The following CCDC178 variants were observed in gnomAD, a reference collection of about 807,000 sequenced individuals.
CCDC178 encodes the protein coiled-coil domain containing 178.
Under a neutral mutation model 117.4 loss-of-function variants are expected in CCDC178, and 126 were observed. The ratio of observed to expected loss-of-function variants is 1.07; its 90% CI spans 0.93 to 1.24. The LOEUF (loss-of-function observed/expected upper bound fraction) is 1.24, where lower values mean the gene tolerates loss of function less well. Among genes scored for constraint, CCDC178 ranks in the 50% most tolerant of loss-of-function variants. The pLI is 0.00. For synonymous variants in CCDC178, 283 were observed against 313.4 expected, an observed-to-expected ratio of 0.90 and a Z score of 1.02; for missense variants, 1,030 against 986.9, an observed-to-expected ratio of 1.04 and a Z score of -0.59.
intron 21 of CCDC178, among the ~76,000 whole-genome samples, chr18:33,085,957 TTA>T (rs2057372188): frequency 6.6e-6 from 1 of 152,104 alleles, no homozygotes; most frequent in Non-Finnish European, 1.5e-5. Flanking sequence ...TTCCAAATGT[TTA>T]TGTCATTGAG....
chr18:33,325,536 A>C (rs2062573229), intron 10 of CCDC178, among the ~76,000 whole-genome samples: 2 of 152,058 alleles, frequency 1.3e-5, no homozygotes, highest in Non-Finnish European at 2.9e-5. Flanking sequence ...TTAATTTAAA[A>C]ATTTCCCTCC....
chr18:33,126,750 C>A (rs942769652), intron 20 of CCDC178, among the ~76,000 whole-genome samples: 4 of 151,954 alleles, frequency 2.6e-5, no homozygotes, highest in Non-Finnish European at 4.4e-5. Flanking sequence ...CCTCTGCCTC[C>A]TGGGTTTAAG....
chr18:33,311,126 G>T (rs1472869824), intron 11 of CCDC178, among the ~76,000 whole-genome samples: 2 of 152,166 alleles, frequency 1.3e-5, no homozygotes, highest in Non-Finnish European at 2.9e-5. Context: ...CTGGGAAGAT[G>T]TTCAGTCCCT....
rs182200159 is a variant in CCDC178, at chr18:33,183,586, A to T, written c.2238+28310T>A. On this transcript the variant is annotated intron_variant, in intron 20 of 22. Transcript: ENST00000383096. ...CAAAGTACCCTGGTGGCTGTGAAAA[A>T]CAGAAATACTGCCGTAAATACAGAA... 3.3e-3 allele frequency among the ~76,000 whole-genome samples: 509 copies of T among 152,088 alleles called. 1 individual carries two copies. The highest frequency in any genetic ancestry group is 5.7e-3 in the Non-Finnish European group (385 of 67,946).
chr18:33,280,349 A>T (rs1228513578), intron 12 of CCDC178, among the ~76,000 whole-genome samples: 3 of 151,844 alleles, frequency 2.0e-5, no homozygotes, highest in Admixed American at 1.3e-4. Context: ...CACACATGAA[A>T]AAATGCTCAT....
At chr18:33,222,754 C>A (rs767798271) in intron 18 of CCDC178, among the ~76,000 whole-genome samples, 15 of 151,458 alleles carry the variant, frequency 9.9e-5, no homozygotes, top group Non-Finnish European at 1.9e-4. Flanking sequence ...TATTTCTTTT[C>A]TTCTTCTTCA....
intron 6 of CCDC178, among the ~76,000 whole-genome samples, chr18:33,359,952 C>T (rs888941296): frequency 1.3e-5 from 2 of 151,012 alleles, no homozygotes; most frequent in African/African-American, 2.4e-5. Flanking sequence ...GAAATTATTA[C>T]CAAATATTTA....
intron 6 of CCDC178, among the ~76,000 whole-genome samples, chr18:33,364,548 A>AT (rs768046883): frequency 4.0e-4 from 61 of 151,942 alleles, no homozygotes; most frequent in Non-Finnish European, 6.5e-4. Flanking sequence ...AAAAAAGGAG[A>AT]TTTTTTAAAG....
intron 20 of CCDC178, among the ~76,000 whole-genome samples, chr18:33,167,909 GT>G (rs1008877201): frequency 6.3e-5 from 9 of 143,020 alleles, no homozygotes; most frequent in Non-Finnish European, 1.4e-4. Flanking sequence ...TAATAAAAGT[GT>G]CTGTTCATGT....
intron 20 of CCDC178, among the ~76,000 whole-genome samples, chr18:33,207,824 TAAGAG>T (rs957329456): frequency 6.6e-6 from 1 of 152,016 alleles, no homozygotes; most frequent in Non-Finnish European, 1.5e-5. Flanking sequence ...GATTTACAAA[TAAGAG>T]AAGCTTCTTC....
At chr18:33,267,530 G>A (rs1049292953) in intron 12 of CCDC178, among the ~76,000 whole-genome samples, 2 of 151,114 alleles carry the variant, frequency 1.3e-5, no homozygotes, top group African/African-American at 4.9e-5. Context: ...TCTAGTTTTC[G>A]TATCTTAAAA....
At position 33,197,384 on chromosome 18, in the gene CCDC178, T is replaced by C. The variant is rs371163565; in HGVS notation, c.2238+14512A>G. Among the ~76,000 whole-genome samples, 7 of 152,170 alleles carry C rather than the reference T, an allele frequency of 4.6e-5. No homozygotes were observed. The South Asian group carries it at 1.0e-3, about 23-fold the overall frequency. ...AAACGCAAGGGCATCTGGGCACTTG[T>C]AGGGAGTGGTAATAATATCCTACTG... On this transcript the variant is annotated intron_variant, in intron 20 of 22. Coordinates refer to ENST00000383096, the MANE Select transcript of CCDC178 (RefSeq NM_001105528.4).
intron 20 of CCDC178, among the ~76,000 whole-genome samples, chr18:33,147,636 T>C (rs1197895245): frequency 6.6e-6 from 1 of 151,986 alleles, no homozygotes; most frequent in Non-Finnish European, 1.5e-5. Flanking sequence ...CCTTAATCCA[T>C]TTAACCCTGA....
At chr18:33,394,930 T>C (rs2063610569) in intron 4 of CCDC178, among the ~76,000 whole-genome samples, 1 of 120,016 alleles carries the variant, frequency 8.3e-6, no homozygotes, top group Admixed American at 9.7e-5. Context: ...TTTAAAAGCC[T>C]GTATATGTAT....
At chr18:32,991,643 A>G (rs1013996357) in intron 21 of CCDC178, among the ~76,000 whole-genome samples, 2 of 152,142 alleles carry the variant, frequency 1.3e-5, no homozygotes, top group Non-Finnish European at 2.9e-5. Context: ...GTCCCACTAC[A>G]GTTGCACCAG....
chr18:33,423,471 A>G (rs1321504769), intron 2 of CCDC178, among the ~76,000 whole-genome samples: 1 of 152,152 alleles, frequency 6.6e-6, no homozygotes, highest in Admixed American at 6.5e-5. Flanking sequence ...ATAGAATTTT[A>G]TTGTATTAGT....
chr18:33,277,098 G>T (rs1224502270), intron 12 of CCDC178, among the ~76,000 whole-genome samples: 1 of 152,014 alleles, frequency 6.6e-6, no homozygotes, highest in Admixed American at 6.6e-5. Context: ...TGTATTAAAA[G>T]TATTAACCAA....
At chr18:33,176,895 G>T (rs1257670288) in intron 20 of CCDC178, among the ~76,000 whole-genome samples, 1 of 152,102 alleles carries the variant, frequency 6.6e-6, no homozygotes, top group Non-Finnish European at 1.5e-5. Context: ...TTTCCTCAAT[G>T]CTTCGTCTAT....
At chr18:33,024,943 G>T (rs1171660536) in intron 21 of CCDC178, among the ~76,000 whole-genome samples, 1 of 151,748 alleles carries the variant, frequency 6.6e-6, no homozygotes, top group Non-Finnish European at 1.5e-5. Flanking sequence ...ATGAGCCACC[G>T]CTCTTCTCAA....
Sources: allele counts gnomAD v4.1 joint callset (sites outside exome capture counted in the v4.1 genomes callset), GRCh38; gene constraint gnomAD v4.1.1; transcripts MANE v1.5; gene names NCBI Gene and HGNC (gene_info 2026-07-23, HGNC 2026-07-21).